WWOX: variants seen among roughly 807,000 people sequenced by gnomAD.
The protein encoded by WWOX is WW domain-containing oxidoreductase.
WWOX carries 69 observed loss-of-function variants against 46.2 expected under a neutral mutation model. That is an observed-to-expected ratio of 1.49 (90% confidence interval 1.23 to 1.82). WWOX has a LOEUF of 1.82. Ranked by LOEUF, WWOX falls within the 40% of genes most tolerant of loss-of-function variation. WWOX has a pLI of 0.00. For missense variants in WWOX, 919 were observed against 542.6 expected, an observed-to-expected ratio of 1.69 and a Z score of -6.89; for synonymous variants, 359 against 202.6, an observed-to-expected ratio of 1.77 and a Z score of -6.56.
At position 78,795,845 on chromosome 16, in the gene WWOX, G is replaced by A. The variant is rs114985274; in HGVS notation, c.1056+363093G>A. 1.8e-3 allele frequency among the ~76,000 whole-genome samples: 268 copies of A among 152,264 alleles called. 2 individuals carry two copies. The highest frequency in any genetic ancestry group is 6.4e-3 in the African/African-American group (265 of 41,542). On this transcript the variant is annotated intron_variant, in intron 8 of 8. Transcript: ENST00000566780. The stretch of plus-strand genomic sequence containing the variant: ...TATCTAGTAGAGTGGCTAGCGTATA[G>A]TGAGTACCCAATAAATGCAATAGAT...
intron 8 of WWOX, chr16:78,826,041 A>G (rs2051645951): frequency 2.1e-6 from 1 of 471,294 alleles, no homozygotes; most frequent in Non-Finnish European, 3.8e-6. Context: ...CGGAGTCTGG[A>G]TGTTGCTTTG....
At chr16:78,877,122 G>C (rs2044249445) in intron 8 of WWOX, among the ~76,000 whole-genome samples, 1 of 152,104 alleles carries the variant, frequency 6.6e-6, no homozygotes, top group South Asian at 2.1e-4. Context: ...TTTGTATTTT[G>C]ACAATTCCTT....
chr16:78,874,251 G>T (rs1009538096), intron 8 of WWOX, among the ~76,000 whole-genome samples: 59 of 132,362 alleles, frequency 4.5e-4, no homozygotes, highest in African/African-American at 1.7e-3. Flanking sequence ...GCGAGACTCT[G>T]TCTCAAAAAA....
At chr16:79,135,846 A>T (rs944198251) in intron 8 of WWOX, among the ~76,000 whole-genome samples, 1 of 152,126 alleles carries the variant, frequency 6.6e-6, no homozygotes, top group Non-Finnish European at 1.5e-5. Context: ...TTTATTGACC[A>T]TTCACATTTC....
At position 78,931,022 on chromosome 16, in the gene WWOX, C is replaced by T. The variant is rs115662809; in HGVS notation, c.1057-280586C>T. On this transcript the variant is annotated intron_variant, in intron 8 of 8. Coordinates refer to ENST00000566780, the MANE Select transcript of WWOX (RefSeq NM_016373.4). Reference sequence around the variant, plus strand: ...TGGGGATAGCAATATCTATCTCCTACACCTGATGTGAGTATCACATGAGAA... The same window carrying T: ...TGGGGATAGCAATATCTATCTCCTATACCTGATGTGAGTATCACATGAGAA... 1.9e-3 allele frequency among the ~76,000 whole-genome samples: 286 copies of T among 152,334 alleles called. 1 individual carries two copies. Among genetic ancestry groups the T allele is most frequent in the African/African-American group, 6.4e-3 (268 of 41,566 alleles).
At chr16:78,619,086 G>A (rs111251335) in intron 8 of WWOX, among the ~76,000 whole-genome samples, 2,434 of 130,618 alleles carry the variant, frequency 0.019, 91 homozygotes, top group African/African-American at 0.07. Flanking sequence ...ACTGGAGGTC[G>A]GGAATTTGAA....
At position 78,586,362 on chromosome 16, in the gene WWOX, C is replaced by G. The variant is rs1172242877; in HGVS notation, c.1056+153610C>G. ...TTACTCTAGGTAACCTGAGGCTAGA[C>G]AAACCTCTCCATGTCTCAGTTTCCT... On this transcript the variant is annotated intron_variant, in intron 8 of 8. Transcript: ENST00000566780. 2.0e-5 allele frequency among the ~76,000 whole-genome samples: 3 copies of G among 152,236 alleles called. No individual in the cohort carries two copies. The East Asian group carries it at 5.8e-4, about 30-fold the overall frequency.
In WWOX at chr16:78,144,448, C is replaced by CGTGTAT. The variant is rs71380475; in HGVS notation, c.410-19735_410-19734insGTGTAT. ...CCATTACTATATATATATATATATACACATATATATATATACACACATATA... is the reference window on the plus strand; with the variant it reads ...CCATTACTATATATATATATATATACGTGTATACATATATATATATACACACATATA... On this transcript the variant is annotated intron_variant, in intron 4 of 8. Coordinates refer to ENST00000566780, the MANE Select transcript of WWOX (RefSeq NM_016373.4). Among the ~76,000 whole-genome samples, 4 of 17,592 alleles carry CGTGTAT rather than the reference C, an allele frequency of 2.3e-4. 1 individual carries two copies. The highest frequency in any genetic ancestry group is 5.8e-4 in the African/African-American group (4 of 6,954). The allele number at this position is 17,592 out of a possible 152,430, so 11.5% of individuals were successfully genotyped here.
At chr16:79,103,493 C>T (rs1414868843) in intron 8 of WWOX, among the ~76,000 whole-genome samples, 1 of 152,138 alleles carries the variant, frequency 6.6e-6, no homozygotes, top group African/African-American at 2.4e-5. Flanking sequence ...CCTGAGGCCC[C>T]CACTGGGAAC....
rs376288570 is a variant in WWOX, at chr16:78,172,218, C to T, written c.516+7929C>T. Among the ~76,000 whole-genome samples, 10 of 152,268 alleles carry T rather than the reference C, an allele frequency of 6.6e-5. No individual in the cohort carries two copies. In the East Asian group the frequency reaches 9.7e-4, roughly 15 times the overall value. ...CTAATATGAGGGTACCTAAAAAGTACATCCGCTGCGCTTCTTGTAATCTGA... is the reference window on the plus strand; with the variant it reads ...CTAATATGAGGGTACCTAAAAAGTATATCCGCTGCGCTTCTTGTAATCTGA... On this transcript the variant is annotated intron_variant, in intron 5 of 8. Transcript: ENST00000566780.
chr16:78,413,196 G>C (rs547833725), intron 6 of WWOX, among the ~76,000 whole-genome samples: 2 of 152,166 alleles, frequency 1.3e-5, no homozygotes, highest in African/African-American at 4.8e-5. Context: ...CAATCTCCCC[G>C]AGAATTCAGG....
Position 78,129,369 on chromosome 16 carries a change from C to T in WWOX, c.409+14215C>T, listed in dbSNP as rs1232835310. 2.6e-5 allele frequency among the ~76,000 whole-genome samples: 4 copies of T among 152,052 alleles called. No individual in the cohort carries two copies. The East Asian group carries it at 5.8e-4, about 22-fold the overall frequency. ...ATGTCCTGTTGCTACTATAATGGAC[C>T]ACCACAAACTCGGTGCTTCTATGCT... On this transcript the variant is annotated intron_variant, in intron 4 of 8. Transcript: ENST00000566780.
intron 8 of WWOX, among the ~76,000 whole-genome samples, chr16:78,659,310 C>T (rs751124242): frequency 6.6e-6 from 1 of 152,006 alleles, no homozygotes. Flanking sequence ...TTCAGTTGCA[C>T]AGCCTGAGCT....
chr16:79,033,639 A>G (rs1229378736), intron 8 of WWOX, among the ~76,000 whole-genome samples: 1 of 152,160 alleles, frequency 6.6e-6, no homozygotes, highest in Non-Finnish European at 1.5e-5. Flanking sequence ...TTGTGCTAAC[A>G]TCATGACCAT....
intron 5 of WWOX, among the ~76,000 whole-genome samples, chr16:78,311,590 T>G (rs559745004): frequency 6.6e-6 from 1 of 152,288 alleles, no homozygotes; most frequent in East Asian, 1.9e-4. Flanking sequence ...TACAAATACA[T>G]GTGCAGAAAT....
At chr16:78,939,923 A>G (rs1046774409) in intron 8 of WWOX, among the ~76,000 whole-genome samples, 2 of 152,220 alleles carry the variant, frequency 1.3e-5, no homozygotes, top group Admixed American at 6.5e-5. Context: ...GCCCAAGTTT[A>G]CCCAATTCGA....
intron 8 of WWOX, among the ~76,000 whole-genome samples, chr16:79,211,098 G>T (rs962121000): frequency 6.6e-6 from 1 of 150,646 alleles, no homozygotes; most frequent in African/African-American, 2.4e-5. Flanking sequence ...CCTTCCCCTA[G>T]CAGCACCGTG....
At position 78,278,632 on chromosome 16, in the gene WWOX, G is replaced by C. The variant is rs754939224; in HGVS notation, c.517-108228G>C. ...CAAAATACCACCCTCCGCCAGAAAA[G>C]TGCAGAATAAAAATTTTCCACTAGC... On this transcript the variant is annotated intron_variant, in intron 5 of 8. Transcript: ENST00000566780. 18 of 1,610,686 alleles carry C rather than the reference G, an allele frequency of 1.1e-5. No individual in the cohort carries two copies. In the East Asian group the frequency reaches 3.1e-4, roughly 28 times the overall value.
chr16:79,075,247 A>G (rs1000595098), intron 8 of WWOX, among the ~76,000 whole-genome samples: 1 of 152,234 alleles, frequency 6.6e-6, no homozygotes, highest in Non-Finnish European at 1.5e-5. Flanking sequence ...TACTGGCAGA[A>G]TAGTAGCAGA....
Sources: gnomAD v4.1 joint callset for allele counts (sites outside exome capture counted in the v4.1 genomes callset) on GRCh38, gnomAD v4.1.1 for gene constraint, MANE v1.5 for transcripts, NCBI Gene and HGNC (gene_info 2026-07-23, HGNC 2026-07-21) for gene names.